STARD13: variants seen among roughly 807,000 people sequenced by gnomAD.
The protein encoded by STARD13 is stAR-related lipid transfer protein 13.
STARD13 carries 62 observed loss-of-function variants against 106.4 expected under a neutral mutation model. That is an observed-to-expected ratio of 0.58 (90% confidence interval 0.48 to 0.72). The LOEUF (loss-of-function observed/expected upper bound fraction) is 0.72, where lower values mean the gene tolerates loss of function less well. Among genes scored for constraint, STARD13 ranks in the 30% least tolerant of loss-of-function variants. STARD13 has a pLI of 0.00. For missense variants in STARD13, 1,387 were observed against 1,424.0 expected, an observed-to-expected ratio of 0.97 and a Z score of 0.42; for synonymous variants, 565 against 553.0, an observed-to-expected ratio of 1.02 and a Z score of -0.31.
chr13:33,653,039 T>C, the STARD13 span, among the ~76,000 whole-genome samples: 18 of 152,314 alleles, frequency 1.2e-4, 1 homozygote, highest in South Asian at 3.1e-3. Flanking sequence ...TGCAAGTTAA[T>C]GGAGAGATAT....
chr13:33,169,479 C>T (rs1477024651), intron 1 of STARD13, among the ~76,000 whole-genome samples: 1 of 152,202 alleles, frequency 6.6e-6, no homozygotes, highest in Non-Finnish European at 1.5e-5. Context: ...TTTTCAAGCT[C>T]AGATTTGCTT....
the STARD13 span, among the ~76,000 whole-genome samples, chr13:33,559,982 C>T: frequency 2.0e-5 from 3 of 151,724 alleles, 1 homozygote; most frequent in African/African-American, 7.3e-5. Context: ...TCTTGGACTT[C>T]CCAGCCTCTG....
At chr13:33,464,035 ATATATATG>A in the STARD13 span, among the ~76,000 whole-genome samples, 40 of 144,926 alleles carry the variant, frequency 2.8e-4, no homozygotes, top group African/African-American at 8.9e-4. Flanking sequence ...ATATATATAT[ATATATATG>A]TATATGTATA....
At chr13:33,267,200 G>A (rs1384992789) in intron 1 of STARD13, among the ~76,000 whole-genome samples, 1 of 152,174 alleles carries the variant, frequency 6.6e-6, no homozygotes, top group Admixed American at 6.5e-5. Flanking sequence ...CCTGTTCCCA[G>A]ACTGGACCAC....
At chr13:33,221,980 C>T (rs1888382330) in intron 1 of STARD13, among the ~76,000 whole-genome samples, 1 of 152,076 alleles carries the variant, frequency 6.6e-6, no homozygotes, top group African/African-American at 2.4e-5. Context: ...GAAACCCTGT[C>T]TCAACTAAAA....
chr13:33,650,283 C>T, the STARD13 span, among the ~76,000 whole-genome samples: 555 of 138,876 alleles, frequency 4.0e-3, 11 homozygotes, highest in South Asian at 0.052. Flanking sequence ...CTCCGCCTCC[C>T]GGGTTCACGC....
chr13:33,188,736 T>C (rs1885991161), intron 1 of STARD13, among the ~76,000 whole-genome samples: 1 of 152,220 alleles, frequency 6.6e-6, no homozygotes, highest in Non-Finnish European at 1.5e-5. Context: ...GAAAAAGCAG[T>C]TTGGAGTGAT....
At chr13:33,560,089 G>A in the STARD13 span, among the ~76,000 whole-genome samples, 2 of 151,504 alleles carry the variant, frequency 1.3e-5, no homozygotes, top group Non-Finnish European at 2.9e-5. Flanking sequence ...CAGGTTCTGA[G>A]AGCTTAATAT....
chr13:33,204,346 T>C (rs1457349693), intron 1 of STARD13, among the ~76,000 whole-genome samples: 2 of 152,208 alleles, frequency 1.3e-5, no homozygotes, highest in Non-Finnish European at 2.9e-5. Flanking sequence ...AATGACTACA[T>C]AGGTTGCACA....
chr13:33,403,548 G>A, the STARD13 span, among the ~76,000 whole-genome samples: 1 of 152,148 alleles, frequency 6.6e-6, no homozygotes. Context: ...TTCACTTGTA[G>A]ATAGCATGGT....
chr13:33,125,655 G>GAAA (rs11390553), intron 7 of STARD13, among the ~76,000 whole-genome samples: 2 of 150,800 alleles, frequency 1.3e-5, no homozygotes. Flanking sequence ...TGCTTCAAAG[G>GAAA]AAAAAAAAAG....
chr13:33,234,681 G>C (rs1889098859), intron 1 of STARD13, among the ~76,000 whole-genome samples: 1 of 152,094 alleles, frequency 6.6e-6, no homozygotes, highest in African/African-American at 2.4e-5. Context: ...CCTCTCTTTG[G>C]CCTGAGGCAA....
chr13:33,188,599 C>T (rs919928515), intron 1 of STARD13, among the ~76,000 whole-genome samples: 6 of 152,196 alleles, frequency 3.9e-5, no homozygotes, highest in Non-Finnish European at 7.3e-5. Context: ...ACTTTCAATA[C>T]TCACCACACT....
chr13:33,527,083 AT>A, the STARD13 span, among the ~76,000 whole-genome samples: 1 of 152,190 alleles, frequency 6.6e-6, no homozygotes, highest in East Asian at 1.9e-4. Context: ...TTTCTTTTAT[AT>A]TTTAGCCTCT....
the STARD13 span, among the ~76,000 whole-genome samples, chr13:33,673,923 C>T: frequency 2.6e-5 from 4 of 151,040 alleles, no homozygotes; most frequent in South Asian, 4.2e-4. Flanking sequence ...TGCAGTGGTG[C>T]GATCTCGGCT....
At chr13:33,476,154 A>T in the STARD13 span, among the ~76,000 whole-genome samples, 1 of 152,160 alleles carries the variant, frequency 6.6e-6, no homozygotes, top group Non-Finnish European at 1.5e-5. Flanking sequence ...TAAGAAAATT[A>T]TATTGACTCG....
At chr13:33,252,009 G>T (rs61941422) in intron 1 of STARD13, among the ~76,000 whole-genome samples, 34,079 of 151,966 alleles carry the variant, frequency 0.22, 4,081 homozygotes, top group African/African-American at 0.28. Context: ...AAAGGCTAAA[G>T]ATATAAAATA....
chr13:33,612,822 C>T, the STARD13 span, among the ~76,000 whole-genome samples: 1 of 152,196 alleles, frequency 6.6e-6, no homozygotes, highest in African/African-American at 2.4e-5. Flanking sequence ...TCAGAGTACA[C>T]AAAAGACCGA....
At chr13:33,357,543 G>A in the STARD13 span, among the ~76,000 whole-genome samples, 1 of 152,108 alleles carries the variant, frequency 6.6e-6, no homozygotes, top group African/African-American at 2.4e-5. Context: ...AAGCACATGA[G>A]GTCAGCAGCT....
Sources: gnomAD v4.1 joint callset for allele counts (sites outside exome capture counted in the v4.1 genomes callset) on GRCh38, gnomAD v4.1.1 for gene constraint, MANE v1.5 for transcripts, NCBI Gene and HGNC (gene_info 2026-07-23, HGNC 2026-07-21) for gene names.